KCNT1: variants seen among roughly 807,000 people sequenced by gnomAD.
KCNT1 encodes the protein potassium sodium-activated channel subfamily T member 1, also known as potassium channel subfamily T member 1.
Under a neutral mutation model 147.8 loss-of-function variants are expected in KCNT1, and 78 were observed. The ratio of observed to expected loss-of-function variants is 0.53; its 90% CI spans 0.44 to 0.64. KCNT1 has a LOEUF of 0.64. KCNT1 is among the 30% of genes least tolerant of loss of function. The pLI, the probability that KCNT1 is intolerant of heterozygous loss-of-function variation, is 0.00. For missense variants in KCNT1, 1,419 were observed against 1,750.3 expected (o/e 0.81, Z 3.38); for synonymous variants, 867 against 748.8 (o/e 1.16, Z -2.58).
intron 6 of KCNT1, among the ~76,000 whole-genome samples, chr9:135,756,461 T>C (rs1831486401): frequency 1.3e-5 from 2 of 152,148 alleles, no homozygotes; most frequent in Admixed American, 1.3e-4. Flanking sequence ...CACCCACCCC[T>C]ATCATGTTCC....
chr9:135,714,719 A>G lies in KCNT1; in HGVS notation c.253A>G (p.Arg85Gly). The change falls in exon 2 of 31, where the codon AGG becomes GGG. Residue 85 changes from arginine to glycine, a missense_variant and splice_region_variant. Coordinates refer to ENST00000371757, the MANE Select transcript of KCNT1 (RefSeq NM_020822.3). The surrounding 1 kb of genome is among the most constrained non-coding windows in gnomAD (Gnocchi z 6.2). ...CGACCCGTCCTTCCAGAACGACGAC[A>G]GGTAGGGACCGGGCGCGGGGTGGGG... ...LGDPSFQNDD[R>G]VQVEFYVNEN... The G allele has an allele frequency of 7.1e-7, 1 of 1,407,762 alleles. No individual in the cohort carries two copies. The highest frequency in any genetic ancestry group is 2.3e-5 in the Admixed American group (1 of 43,904). 87.2% of individuals were successfully genotyped at this position (1,407,762 alleles called of 1,614,324 possible).
chr9:135,708,336 C>G (rs117188899), intron 1 of KCNT1, among the ~76,000 whole-genome samples: 2 of 152,230 alleles, frequency 1.3e-5, no homozygotes, highest in Admixed American at 6.5e-5. Flanking sequence ...TGCACATATT[C>G]GTACACATGC....
In KCNT1 at chr9:135,783,663, G is replaced by A. The variant is rs193219452; in HGVS notation, c.2842-361G>A. Among the ~76,000 whole-genome samples, 8 of 152,342 alleles carry A rather than the reference G, an allele frequency of 5.3e-5. No homozygotes were observed. In the East Asian group the frequency reaches 9.7e-4, roughly 18 times the overall value. On this transcript the variant is annotated intron_variant, in intron 24 of 30. Transcript: ENST00000371757. ...CCTCCGGCACCACTTACAAAACACC[G>A]GGGGAGGAGAGGATTATCAGGAGGA...
chr9:135,761,299 A>G (rs1831896508), intron 11 of KCNT1, among the ~76,000 whole-genome samples: 1 of 152,202 alleles, frequency 6.6e-6, no homozygotes. Flanking sequence ...TTCACCCACC[A>G]GGAACCACCA....
intron 25 of KCNT1, 48 bp downstream of exon 25, chr9:135,784,173 C>G: frequency 1.4e-6 from 2 of 1,400,124 alleles, no homozygotes; most frequent in Non-Finnish European, 2.0e-6. Context: ...GTGGGACCCC[C>G]GTCATGCCCT....
At chr9:135,770,566 G>T in intron 17 of KCNT1, 119 bp downstream of exon 17, 1 of 1,300,184 alleles carries the variant, frequency 7.7e-7, no homozygotes, top group Non-Finnish European at 1.1e-6. Context: ...GGGCTCGGGG[G>T]AGGGCATCAG....
chr9:135,782,766 G>A (rs1471629605), intron 24 of KCNT1, among the ~76,000 whole-genome samples: 6 of 152,312 alleles, frequency 3.9e-5, no homozygotes, highest in Admixed American at 1.3e-4. Context: ...GGAATTTCAC[G>A]TTCGTCTCCG....
intron 2 of KCNT1, among the ~76,000 whole-genome samples, chr9:135,741,977 G>T (rs559185268): frequency 1.3e-5 from 2 of 150,246 alleles, no homozygotes; most frequent in South Asian, 2.2e-4. Context: ...GCTCCCATCA[G>T]CCTCTCTCTC....
chr9:135,772,682 C>A, intron 18 of KCNT1, 33 bp from the exon 19 acceptor site: 9 of 1,346,758 alleles, frequency 6.7e-6, no homozygotes, highest in Non-Finnish European at 8.7e-6. Flanking sequence ...GGGTGGGAGT[C>A]GGGCTGTGGC....
At chr9:135,779,058 A>T (rs1359324719) in intron 23 of KCNT1, among the ~76,000 whole-genome samples, 7 of 78,758 alleles carry the variant, frequency 8.9e-5, no homozygotes, top group African/African-American at 3.5e-4. Context: ...CAGCCATGGG[A>T]CCACACCCTG....
intron 29 of KCNT1, 186 bp from the exon 30 acceptor site, chr9:135,791,610 GA>G (rs1229192672): frequency 5.1e-6 from 3 of 589,480 alleles, no homozygotes. Flanking sequence ...GCCCTGTGTG[GA>G]GATGGGACAG....
At chr9:135,732,008 A>AGAGAGAGAGG (rs1588279382) in intron 2 of KCNT1, among the ~76,000 whole-genome samples, 1 of 97,878 alleles carries the variant, frequency 1.0e-5, no homozygotes, top group East Asian at 3.3e-4. Context: ...AGAGAGAGAG[A>AGAGAGAGAGG]GAGAGAGAGA....
intron 1 of KCNT1, chr9:135,702,949 G>A (rs913189531): frequency 6.5e-6 from 1 of 154,084 alleles, no homozygotes; most frequent in Non-Finnish European, 1.4e-5. Context: ...TGGGAGGAGA[G>A]GGCCAGTTGA....
At chr9:135,775,964 A>G (rs1833142390) in intron 20 of KCNT1, among the ~76,000 whole-genome samples, 1 of 151,362 alleles carries the variant, frequency 6.6e-6, no homozygotes, top group Admixed American at 6.6e-5. Flanking sequence ...ATTTTTGCAG[A>G]GCAGGGACCA....
intron 2 of KCNT1, among the ~76,000 whole-genome samples, chr9:135,732,317 C>T (rs1455744513): frequency 6.6e-6 from 1 of 152,134 alleles, no homozygotes; most frequent in Non-Finnish European, 1.5e-5. Context: ...CCGCAACTGG[C>T]TTCAAATATA....
In KCNT1 at chr9:135,765,325, T is replaced by C. The variant is rs59741818; in HGVS notation, c.1200+130T>C. 0.2 allele frequency: 162,805 copies of C among 831,684 alleles called. 19,052 individuals are homozygous for C. Among genetic ancestry groups the C allele is most frequent in the Middle Eastern group, 0.29 (853 of 2,908 alleles). 51.5% of individuals were successfully genotyped at this position (831,684 alleles called of 1,614,324 possible). ...GGTTTACCCCTTCAGTGAGGGCAGA[T>C]GCCTCCCTCCCGGCGCCCAGAGACG... On this transcript the variant is annotated intron_variant, in intron 12 of 30. Coordinates refer to ENST00000371757, the MANE Select transcript of KCNT1 (RefSeq NM_020822.3).
intron 2 of KCNT1, among the ~76,000 whole-genome samples, chr9:135,738,808 G>A (rs1358212493): frequency 1.3e-5 from 2 of 152,140 alleles, no homozygotes; most frequent in Non-Finnish European, 2.9e-5. Context: ...CTGACCCTGA[G>A]CTCCGGGGTC....
intron 2 of KCNT1, among the ~76,000 whole-genome samples, chr9:135,733,195 G>A (rs1193882116): frequency 1.0e-5 from 1 of 98,836 alleles, no homozygotes; most frequent in Non-Finnish European, 2.1e-5. Context: ...CCCCGCACCT[G>A]CCCCCACACC....
At chr9:135,734,917 G>A (rs773493764) in intron 2 of KCNT1, among the ~76,000 whole-genome samples, 1 of 152,134 alleles carries the variant, frequency 6.6e-6, no homozygotes, top group Non-Finnish European at 1.5e-5. Context: ...CCCTGCAGGC[G>A]GCGCCCAGGG....
Sources: allele counts gnomAD v4.1 joint callset (sites outside exome capture counted in the v4.1 genomes callset), GRCh38; gene constraint gnomAD v4.1.1; non-coding constraint Gnocchi (gnomAD v3.1); transcripts MANE v1.5; gene names NCBI Gene and HGNC (gene_info 2026-07-23, HGNC 2026-07-21).